Variants in SBF2 observed in about 807,000 individuals in gnomAD.
SBF2 encodes myotubularin-related protein 13.
In SBF2, 112 loss-of-function variants were observed where a neutral mutation model predicts 225.2. That is an observed-to-expected ratio of 0.50 (90% CI 0.43 to 0.58). The LOEUF (loss-of-function observed/expected upper bound fraction) is 0.58, where lower values mean the gene tolerates loss of function less well. SBF2 is among the 20% of genes least tolerant of loss of function. SBF2 has a pLI of 0.00. For synonymous variants in SBF2, 763 were observed against 773.3 expected (o/e 0.99, Z 0.22); for missense variants, 1,996 against 2,206.2 (o/e 0.90, Z 1.91).
chr11:9,917,764 C>A (rs754978896), intron 16 of SBF2, among the ~76,000 whole-genome samples: 1 of 151,290 alleles, frequency 6.6e-6, no homozygotes, highest in African/African-American at 2.5e-5. Context: ...TAAAGCACCA[C>A]TGGAATCTGT....
At chr11:9,875,172 A>C (rs1859114943) in intron 17 of SBF2, among the ~76,000 whole-genome samples, 1 of 152,246 alleles carries the variant, frequency 6.6e-6, no homozygotes, top group Non-Finnish European at 1.5e-5. Flanking sequence ...AAGTATTTGC[A>C]TGGTTAAGCC....
At chr11:10,270,707 A>G (rs1458731583) in intron 1 of SBF2, among the ~76,000 whole-genome samples, 1 of 152,158 alleles carries the variant, frequency 6.6e-6, no homozygotes, top group Non-Finnish European at 1.5e-5. Flanking sequence ...TAAGAAGTAA[A>G]ATGAGGACGG....
intron 6 of SBF2, among the ~76,000 whole-genome samples, chr11:10,022,225 A>G (rs984441804): frequency 6.6e-6 from 1 of 152,140 alleles, no homozygotes; most frequent in African/African-American, 2.4e-5. Flanking sequence ...TTTTAGGAAA[A>G]ACTTCTTATA....
chr11:10,068,365 G>A (rs1428780501), intron 2 of SBF2, among the ~76,000 whole-genome samples: 1 of 152,034 alleles, frequency 6.6e-6, no homozygotes, highest in Non-Finnish European at 1.5e-5. Context: ...TCTGGCTAAG[G>A]GTCCTACATA....
chr11:10,246,354 G>A (rs1041984112), intron 1 of SBF2, among the ~76,000 whole-genome samples: 1 of 152,116 alleles, frequency 6.6e-6, no homozygotes, highest in African/African-American at 2.4e-5. Context: ...CGCAATTTCG[G>A]CTCACTGCAA....
At chr11:10,039,491 C>T (rs1471258306) in intron 3 of SBF2, among the ~76,000 whole-genome samples, 3 of 151,872 alleles carry the variant, frequency 2.0e-5, no homozygotes, top group African/African-American at 7.2e-5. Context: ...GGAATTCTCA[C>T]AACCTATCCG....
At position 9,976,075 on chromosome 11, in the gene SBF2, T is replaced by C. The variant is rs868818827; in HGVS notation, c.1396-7530A>G. ...TATTCTTCTTCTTCTTCTTCTTCTT[T>C]TTTTTTTTTTTTTTTTGAGACGAAG... On this transcript the variant is annotated intron_variant, in intron 13 of 39. Coordinates refer to ENST00000256190, the MANE Select transcript of SBF2 (RefSeq NM_030962.4). Among the ~76,000 whole-genome samples, 249 of 120,452 alleles carry C rather than the reference T, an allele frequency of 2.1e-3. 1 individual carries two copies. Among genetic ancestry groups the C allele is most frequent in the African/African-American group, 4.9e-3 (171 of 35,062 alleles). 79.0% of individuals were successfully genotyped at this position (120,452 alleles called of 152,430 possible).
chr11:10,035,196 G>A (rs542608318), intron 3 of SBF2, among the ~76,000 whole-genome samples: 19 of 151,838 alleles, frequency 1.3e-4, no homozygotes, highest in African/African-American at 3.1e-4. Context: ...GGATAGTCTC[G>A]ATCTCCTGAC....
chr11:10,189,501 A>G (rs1957073803), intron 2 of SBF2, among the ~76,000 whole-genome samples: 2 of 152,202 alleles, frequency 1.3e-5, no homozygotes, highest in African/African-American at 4.8e-5. Context: ...ATAACATCCC[A>G]TATTAAAGCT....
At chr11:10,057,140 G>A (rs1950284018) in intron 2 of SBF2, among the ~76,000 whole-genome samples, 1 of 152,248 alleles carries the variant, frequency 6.6e-6, no homozygotes, top group South Asian at 2.1e-4. Context: ...GAGGTGACTA[G>A]AGACTGCAGC....
chr11:10,012,070 G>T (rs1308190725), intron 6 of SBF2, among the ~76,000 whole-genome samples: 2 of 151,852 alleles, frequency 1.3e-5, no homozygotes, highest in Admixed American at 1.3e-4. Flanking sequence ...CATTTCTATT[G>T]GTCTTTCACC....
chr11:10,049,295 A>G (rs987421983), intron 2 of SBF2, among the ~76,000 whole-genome samples: 9 of 152,162 alleles, frequency 5.9e-5, no homozygotes, highest in Admixed American at 5.9e-4. Flanking sequence ...AAAAGTGGGT[A>G]AATTTAAAAA....
Position 10,176,476 on chromosome 11 carries a change from C to G in SBF2, c.141+17426G>C, listed in dbSNP as rs1956468958. ...AATAAAGAAAAAAAGAGAGAAGAAT[C>G]AAATAGATGCAATAAAAAATGATAA... On this transcript the variant is annotated intron_variant, in intron 2 of 39. Transcript: ENST00000256190. Among the ~76,000 whole-genome samples the G allele has an allele frequency of 4.6e-5, 7 of 151,524 alleles. No individual in the cohort carries two copies. In the South Asian group the frequency reaches 1.5e-3, roughly 32 times the overall value.
intron 16 of SBF2, 101 bp from the exon 17 acceptor site, chr11:9,896,112 G>A (rs1861234334): frequency 2.1e-6 from 2 of 957,868 alleles, no homozygotes; most frequent in Admixed American, 3.5e-5. Flanking sequence ...GTCCTATGGG[G>A]TTTTTACCTT....
At chr11:10,276,796 T>C (rs758234379) in intron 1 of SBF2, among the ~76,000 whole-genome samples, 4 of 152,116 alleles carry the variant, frequency 2.6e-5, no homozygotes, top group Admixed American at 6.5e-5. Flanking sequence ...AACAAGTGTA[T>C]AGAGAAATGT....
chr11:9,795,092 C>A (rs879935944), intron 33 of SBF2, among the ~76,000 whole-genome samples: 1 of 152,076 alleles, frequency 6.6e-6, no homozygotes. Flanking sequence ...TCCTCTCCCC[C>A]GTAACAGTTA....
intron 16 of SBF2, among the ~76,000 whole-genome samples, chr11:9,930,901 C>T (rs1320996685): frequency 1.3e-5 from 2 of 152,246 alleles, no homozygotes; most frequent in African/African-American, 4.8e-5. Context: ...CACCCAAATA[C>T]TGCACTTTTA....
chr11:10,218,270 A>G (rs1194819350), intron 1 of SBF2, among the ~76,000 whole-genome samples: 1 of 151,714 alleles, frequency 6.6e-6, no homozygotes, highest in African/African-American at 2.4e-5. Flanking sequence ...TAAAAGCATC[A>G]GATCTCGACA....
At position 10,063,858 on chromosome 11, in the gene SBF2, C is replaced by CAGAGAGAGAGAGAGAG. The variant is rs1555006975; in HGVS notation, c.142-20893_142-20878dup. 6.8e-3 allele frequency among the ~76,000 whole-genome samples: 922 copies of CAGAGAGAGAGAGAGAG among 136,162 alleles called. 15 individuals are homozygous for CAGAGAGAGAGAGAGAG. Among genetic ancestry groups the CAGAGAGAGAGAGAGAG allele is most frequent in the African/African-American group, 0.023 (850 of 36,992 alleles). 89.3% of individuals were successfully genotyped at this position (136,162 alleles called of 152,430 possible). A position where few individuals can be genotyped will look rare whatever the true frequency, so the allele number is the denominator to read the frequency against. ...ACACACACACACACACACACACACA[C>CAGAGAGAGAGAGAGAG]AGAGAGAGAGAGAGAGAGAGAGAAA... is the stretch of plus-strand genomic sequence containing the variant. On this transcript the variant is annotated intron_variant, in intron 2 of 39. Transcript: ENST00000256190.
Sources: allele counts gnomAD v4.1 joint callset (sites outside exome capture counted in the v4.1 genomes callset), GRCh38; gene constraint gnomAD v4.1.1; transcripts MANE v1.5; gene names NCBI Gene and HGNC (gene_info 2026-07-23, HGNC 2026-07-21).